SLC35F1: variants seen among roughly 807,000 people sequenced by gnomAD.
SLC35F1 encodes solute carrier family 35 member F1, also known as chromosome 6 open reading frame 169.
A neutral mutation model predicts 48.7 loss-of-function variants in SLC35F1; 14 were observed. That is an observed-to-expected ratio of 0.29 (90% CI 0.19 to 0.45). The LOEUF is 0.45. Among genes scored for constraint, SLC35F1 ranks in the 20% least tolerant of loss-of-function variants. The pLI is 1.00. For missense variants in SLC35F1, 404 were observed against 500.0 expected (o/e 0.81, Z 1.83); for synonymous variants, 190 against 202.2 (o/e 0.94, Z 0.51).
intron 2 of SLC35F1, among the ~76,000 whole-genome samples, chr6:118,233,564 T>G (rs993038727): frequency 2.6e-5 from 4 of 152,202 alleles, no homozygotes; most frequent in African/African-American, 9.6e-5. Flanking sequence ...CATTGATTCA[T>G]TCACTCCAAA....
intron 2 of SLC35F1, among the ~76,000 whole-genome samples, chr6:118,156,546 G>A (rs990554896): frequency 6.6e-6 from 1 of 152,108 alleles, no homozygotes; most frequent in South Asian, 2.1e-4. Flanking sequence ...CTGGGGGAGG[G>A]ATAGCATTAG....
chr6:118,035,239 G>A (rs1329083232), intron 1 of SLC35F1, among the ~76,000 whole-genome samples: 1 of 151,964 alleles, frequency 6.6e-6, no homozygotes, highest in African/African-American at 2.4e-5. Context: ...CTTGATATTG[G>A]TGCTTTCTAC....
At chr6:117,910,957 T>A (rs1247231851) in intron 1 of SLC35F1, among the ~76,000 whole-genome samples, 1 of 152,254 alleles carries the variant, frequency 6.6e-6, no homozygotes, top group African/African-American at 2.4e-5. Flanking sequence ...AAGCTTAGAA[T>A]GAAATATAGT....
intron 1 of SLC35F1, 118 bp from the exon 2 acceptor site, chr6:118,154,324 GAAT>G: frequency 2.5e-6 from 2 of 793,142 alleles, no homozygotes; most frequent in Non-Finnish European, 4.0e-6. Flanking sequence ...GGACTAAAGG[GAAT>G]AATATTTAAT....
At chr6:118,169,056 C>T (rs1774361453) in intron 2 of SLC35F1, among the ~76,000 whole-genome samples, 1 of 152,194 alleles carries the variant, frequency 6.6e-6, no homozygotes. Context: ...AGCAAATGTT[C>T]TTCACATCTT....
At position 118,010,736 on chromosome 6, in the gene SLC35F1, G is replaced by A. The variant is rs1386681823; in HGVS notation, c.173+102837G>A. Among the ~76,000 whole-genome samples, 13 of 152,084 alleles carry A rather than the reference G, an allele frequency of 8.5e-5. No individual in the cohort carries two copies. The East Asian group carries it at 2.5e-3, about 29-fold the overall frequency. ...AACTCAAAATTCTTTAACCAATCTTGTTGTGTTTACAGAATTTCTCTCAAG... is the reference window on the plus strand; with the variant it reads ...AACTCAAAATTCTTTAACCAATCTTATTGTGTTTACAGAATTTCTCTCAAG... On this transcript the variant is annotated intron_variant, in intron 1 of 7. Coordinates refer to ENST00000360388, the MANE Select transcript of SLC35F1 (RefSeq NM_001029858.4).
intron 1 of SLC35F1, among the ~76,000 whole-genome samples, chr6:118,057,549 C>A (rs967541253): frequency 2.6e-5 from 4 of 151,810 alleles, no homozygotes; most frequent in African/African-American, 7.3e-5. Flanking sequence ...AAAAAAAATT[C>A]TCTTCTAATT....
intron 1 of SLC35F1, among the ~76,000 whole-genome samples, chr6:117,913,880 A>G (rs1330341810): frequency 1.3e-5 from 2 of 152,076 alleles, no homozygotes; most frequent in African/African-American, 4.8e-5. Context: ...GCGAAACCCC[A>G]TCTCTACTAA....
intron 1 of SLC35F1, among the ~76,000 whole-genome samples, chr6:118,150,432 T>G (rs1232979886): frequency 1.3e-5 from 2 of 152,196 alleles, no homozygotes; most frequent in Non-Finnish European, 2.9e-5. Context: ...TAAGAAAGAC[T>G]AAAATTGTAT....
At chr6:117,994,936 C>T (rs372269486) in intron 1 of SLC35F1, among the ~76,000 whole-genome samples, 1 of 152,140 alleles carries the variant, frequency 6.6e-6, no homozygotes, top group Non-Finnish European at 1.5e-5. Context: ...AATGCCAATG[C>T]CTTATCACTC....
At chr6:118,078,076 C>G (rs916278316) in intron 1 of SLC35F1, among the ~76,000 whole-genome samples, 1 of 151,972 alleles carries the variant, frequency 6.6e-6, no homozygotes, top group African/African-American at 2.4e-5. Context: ...TTAATGGCTT[C>G]TCATTTCACT....
At chr6:118,281,192 C>T (rs1423630273) in intron 6 of SLC35F1, among the ~76,000 whole-genome samples, 2 of 123,294 alleles carry the variant, frequency 1.6e-5, no homozygotes, top group East Asian at 4.3e-4. Flanking sequence ...CTCTCTCTCT[C>T]TCTCTCTCTC....
At chr6:117,909,907 A>G (rs1775741965) in intron 1 of SLC35F1, among the ~76,000 whole-genome samples, 1 of 152,204 alleles carries the variant, frequency 6.6e-6, no homozygotes. Flanking sequence ...CATCGCAGGT[A>G]TACAACCGTG....
rs547246676 is a variant in SLC35F1, at chr6:118,032,921, T to C, written c.174-121524T>C. Among the ~76,000 whole-genome samples, 12 of 152,294 alleles carry C rather than the reference T, an allele frequency of 7.9e-5. No homozygotes were observed. The South Asian group carries it at 2.3e-3, about 29-fold the overall frequency. On this transcript the variant is annotated intron_variant, in intron 1 of 7. Coordinates refer to ENST00000360388, the MANE Select transcript of SLC35F1 (RefSeq NM_001029858.4). ...GTTTTATAATCATTCTTCTTTGTCT[T>C]TTCTCACCTTTTGCAAATTTGTGCA...
At chr6:118,226,938 CA>C (rs756193923) in intron 2 of SLC35F1, among the ~76,000 whole-genome samples, 3 of 152,056 alleles carry the variant, frequency 2.0e-5, no homozygotes. Flanking sequence ...ATCAAATTGT[CA>C]AATGTACCCC....
chr6:118,003,405 T>C (rs572280723), intron 1 of SLC35F1, among the ~76,000 whole-genome samples: 2 of 152,340 alleles, frequency 1.3e-5, no homozygotes, highest in East Asian at 3.9e-4. Context: ...AGGTTCTGGT[T>C]GGTTCTGGTC....
At chr6:118,049,916 G>A (rs1269152287) in intron 1 of SLC35F1, among the ~76,000 whole-genome samples, 13 of 151,904 alleles carry the variant, frequency 8.6e-5, no homozygotes, top group East Asian at 1.9e-4. Context: ...ACATGCACAC[G>A]TATGTTTATT....
At chr6:118,304,925 A>G (rs1160063454) in intron 7 of SLC35F1, among the ~76,000 whole-genome samples, 2 of 119,966 alleles carry the variant, frequency 1.7e-5, no homozygotes, top group African/African-American at 6.7e-5. Flanking sequence ...CCTGAAAAAT[A>G]TCATTAAACA....
intron 2 of SLC35F1, among the ~76,000 whole-genome samples, chr6:118,233,830 C>G (rs1775328084): frequency 6.6e-6 from 1 of 152,188 alleles, no homozygotes; most frequent in Non-Finnish European, 1.5e-5. Context: ...TTCCCTGATA[C>G]AGAAAGACTT....
Sources: allele counts gnomAD v4.1 joint callset (sites outside exome capture counted in the v4.1 genomes callset), GRCh38; gene constraint gnomAD v4.1.1; transcripts MANE v1.5; gene names NCBI Gene and HGNC (gene_info 2026-07-23, HGNC 2026-07-21).